The following PLPPR5 variants were observed in gnomAD, a reference collection of about 807,000 sequenced individuals.
The protein encoded by PLPPR5 is phospholipid phosphatase related 5.
A neutral mutation model predicts 33.9 loss-of-function variants in PLPPR5; 16 were observed. The ratio of observed to expected loss-of-function variants is 0.47; its 90% confidence interval spans 0.32 to 0.72. The LOEUF (loss-of-function observed/expected upper bound fraction) is 0.72, where lower values mean the gene tolerates loss of function less well. Among genes scored for constraint, PLPPR5 ranks in the 30% least tolerant of loss-of-function variants. PLPPR5 has a pLI of 0.03. For missense variants in PLPPR5, 301 were observed against 406.7 expected (o/e 0.74, Z 2.23); for synonymous variants, 163 against 150.3 (o/e 1.08, Z -0.62).
chr1:98,968,844 T>C (rs764512202), intron 1 of PLPPR5, among the ~76,000 whole-genome samples: 73 of 152,072 alleles, frequency 4.8e-4, no homozygotes, highest in Non-Finnish European at 5.7e-4. Flanking sequence ...ATATGACTTG[T>C]GTAAGGTCAT....
At chr1:98,954,765 G>T (rs1650940388) in intron 2 of PLPPR5, among the ~76,000 whole-genome samples, 1 of 152,062 alleles carries the variant, frequency 6.6e-6, no homozygotes, top group African/African-American at 2.4e-5. Context: ...GAAAGAGGAA[G>T]AGAAATTAAA....
At chr1:98,911,585 T>C (rs901848929) in intron 5 of PLPPR5, among the ~76,000 whole-genome samples, 5 of 152,180 alleles carry the variant, frequency 3.3e-5, no homozygotes, top group African/African-American at 1.2e-4. Flanking sequence ...TATTTGGCAA[T>C]ACTAGAAAGC....
chr1:98,976,338 T>C (rs2100748272), intron 1 of PLPPR5, among the ~76,000 whole-genome samples: 1 of 152,164 alleles, frequency 6.6e-6, no homozygotes, highest in South Asian at 2.1e-4. Flanking sequence ...GTCCTAACAT[T>C]GATGAAAAAG....
At chr1:98,975,276 A>G (rs1651806775) in intron 1 of PLPPR5, among the ~76,000 whole-genome samples, 1 of 152,070 alleles carries the variant, frequency 6.6e-6, no homozygotes, top group African/African-American at 2.4e-5. Flanking sequence ...CTGATGCATA[A>G]TAGGTTTTTG....
At chr1:98,929,193 A>G (rs1266254500) in intron 3 of PLPPR5, among the ~76,000 whole-genome samples, 1 of 152,184 alleles carries the variant, frequency 6.6e-6, no homozygotes, top group East Asian at 1.9e-4. Context: ...GAAAATAACT[A>G]TGATAATCTG....
chr1:98,917,507 G>A (rs564406540), intron 4 of PLPPR5, among the ~76,000 whole-genome samples: 2 of 152,192 alleles, frequency 1.3e-5, no homozygotes, highest in East Asian at 3.9e-4. Context: ...TTTTCTTAAT[G>A]TGTAAACTCT....
At chr1:98,925,619 T>C (rs946282918) in intron 3 of PLPPR5, among the ~76,000 whole-genome samples, 1 of 152,212 alleles carries the variant, frequency 6.6e-6, no homozygotes, top group South Asian at 2.1e-4. Flanking sequence ...ATAATATACA[T>C]CCTTTTTTGT....
intron 1 of PLPPR5, among the ~76,000 whole-genome samples, chr1:98,976,379 T>C (rs1168544036): frequency 6.6e-6 from 1 of 152,124 alleles, no homozygotes; most frequent in Non-Finnish European, 1.5e-5. Flanking sequence ...GTAAAAATCA[T>C]GTTTGAAACA....
intron 3 of PLPPR5, among the ~76,000 whole-genome samples, chr1:98,952,641 A>G (rs566590692): frequency 4.6e-5 from 7 of 152,322 alleles, no homozygotes; most frequent in Non-Finnish European, 1.0e-4. Flanking sequence ...AGTTGCCTGT[A>G]ATAATAGTGC....
At chr1:98,924,643 G>A (rs1415564686) in intron 3 of PLPPR5, among the ~76,000 whole-genome samples, 1 of 152,190 alleles carries the variant, frequency 6.6e-6, no homozygotes, top group Non-Finnish European at 1.5e-5. Flanking sequence ...CTCAGATACA[G>A]TCCAGCCCTT....
intron 2 of PLPPR5, among the ~76,000 whole-genome samples, chr1:98,955,005 A>G (rs138211118): frequency 2.5e-3 from 377 of 152,236 alleles, no homozygotes; most frequent in African/African-American, 8.3e-3. Flanking sequence ...GCCCAAGGCT[A>G]ATACTGTAGT....
At chr1:98,960,192 G>GATA (rs200919324) in intron 1 of PLPPR5, among the ~76,000 whole-genome samples, 1 of 151,594 alleles carries the variant, frequency 6.6e-6, no homozygotes, top group Non-Finnish European at 1.5e-5. Context: ...ACTGCTCTCA[G>GATA]ATAATAATAA....
intron 1 of PLPPR5, among the ~76,000 whole-genome samples, chr1:99,001,671 G>GATACATAT (rs1247519605): frequency 9.8e-6 from 1 of 102,196 alleles, no homozygotes; most frequent in African/African-American, 3.9e-5. Context: ...GAAAGTTAAA[G>GATACATAT]ATATATATAT....
chr1:98,900,825 A>G (rs1002312415), intron 5 of PLPPR5, among the ~76,000 whole-genome samples: 2 of 152,170 alleles, frequency 1.3e-5, no homozygotes, highest in Non-Finnish European at 2.9e-5. Flanking sequence ...TTTCACAAAG[A>G]GGCACCACTG....
intron 1 of PLPPR5, among the ~76,000 whole-genome samples, chr1:98,999,892 G>A (rs915414721): frequency 6.6e-5 from 10 of 152,190 alleles, no homozygotes; most frequent in African/African-American, 1.4e-4. Flanking sequence ...CAAACCTGCC[G>A]TGCTCAGTGT....
rs1648296087 is a variant in PLPPR5 at position 98,892,114 on chromosome 1, A to G, written c.*958T>C. 6.6e-6 allele frequency: 1 copy of G among 152,142 alleles called. No homozygotes were observed. The highest frequency in any genetic ancestry group is 2.1e-4 in the South Asian group (1 of 4,832). The allele number at this position is 152,142 out of a possible 1,614,324, so 9.4% of individuals were successfully genotyped here. The stretch of plus-strand genomic sequence containing the variant: ...ACACAAATGCAAAGTAAAATACATT[A>G]ACCATATTTCTAGCATTTATATAAT... On this transcript the variant is annotated 3_prime_UTR_variant, in exon 6 of 6. Coordinates refer to ENST00000263177, the MANE Select transcript of PLPPR5 (RefSeq NM_001037317.2).
chr1:98,914,706 G>T, intron 5 of PLPPR5, 80 bp downstream of exon 5: 2 of 1,274,506 alleles, frequency 1.6e-6, no homozygotes, highest in Non-Finnish European at 1.1e-6. Context: ...AAACTGTGTG[G>T]ACATGCTCCA....
chr1:98,974,315 G>A (rs1651770229), intron 1 of PLPPR5, among the ~76,000 whole-genome samples: 1 of 152,040 alleles, frequency 6.6e-6, no homozygotes, highest in African/African-American at 2.4e-5. Context: ...GTTGTCATTG[G>A]TGACCTCTGA....
At chr1:98,952,362 A>ATG (rs1294471173) in intron 3 of PLPPR5, among the ~76,000 whole-genome samples, 1 of 152,024 alleles carries the variant, frequency 6.6e-6, no homozygotes, top group Non-Finnish European at 1.5e-5. Context: ...TGCAAGGTAC[A>ATG]TCCTTGTGAG....
Sources: allele counts gnomAD v4.1 joint callset (sites outside exome capture counted in the v4.1 genomes callset), GRCh38; gene constraint gnomAD v4.1.1; transcripts MANE v1.5; gene names NCBI Gene and HGNC (gene_info 2026-07-23, HGNC 2026-07-21).